ALOX5AP: variants seen among roughly 807,000 people sequenced by gnomAD.
The protein encoded by ALOX5AP is arachidonate 5-lipoxygenase activating protein.
ALOX5AP carries 9 observed loss-of-function variants against 18.5 expected under a neutral mutation model. The observed-to-expected ratio is 0.49, with a 90% CI of 0.29 to 0.85. The LOEUF is 0.85. Ranked by LOEUF, ALOX5AP falls within the 40% of genes least tolerant of loss-of-function variation. The pLI, the probability that ALOX5AP is intolerant of heterozygous loss-of-function variation, is 0.08. For missense variants in ALOX5AP, 172 were observed against 202.5 expected (o/e 0.85, Z 0.91); for synonymous variants, 81 against 78.6 (o/e 1.03, Z -0.16).
chr13:30,752,983 C>A (rs1951864299), intron 3 of ALOX5AP, among the ~76,000 whole-genome samples: 1 of 152,208 alleles, frequency 6.6e-6, no homozygotes, highest in South Asian at 2.1e-4. Flanking sequence ...CAAAGATCCT[C>A]TTACTTTATT....
At chr13:30,725,180 G>GT (rs1270454187) in intron 1 of ALOX5AP, among the ~76,000 whole-genome samples, 1 of 152,204 alleles carries the variant, frequency 6.6e-6, no homozygotes, top group African/African-American at 2.4e-5. Flanking sequence ...ACAGAGAGTG[G>GT]TTAATCGTTT....
At chr13:30,757,053 A>G (rs1951902270) in intron 4 of ALOX5AP, among the ~76,000 whole-genome samples, 2 of 152,144 alleles carry the variant, frequency 1.3e-5, no homozygotes, top group African/African-American at 4.8e-5. Flanking sequence ...CTAATGCACT[A>G]GTATGGTTTC....
chr13:30,762,873 C>A (rs1024080483), intron 4 of ALOX5AP, among the ~76,000 whole-genome samples: 8 of 152,114 alleles, frequency 5.3e-5, no homozygotes, highest in Non-Finnish European at 1.2e-4. Context: ...CTCAGATGGG[C>A]CAGCCATGGA....
intron 1 of ALOX5AP, among the ~76,000 whole-genome samples, chr13:30,730,409 C>G (rs1049057008): frequency 4.6e-5 from 7 of 152,190 alleles, no homozygotes; most frequent in African/African-American, 1.7e-4. Context: ...GGTCTCTGTT[C>G]GTATCACTTA....
Position 30,764,201 on chromosome 13 carries a change from G to T in ALOX5AP, c.*95G>T. ...GAGAGCATTCTGCTCTTCTTTAGAT[G>T]GCTGTAAATCTATTGGCCATCTGGG... On this transcript the variant is annotated 3_prime_UTR_variant, in exon 5 of 5. Coordinates refer to ENST00000380490, the MANE Select transcript of ALOX5AP (RefSeq NM_001629.4). The T allele has an allele frequency of 7.3e-7, 1 of 1,374,978 alleles. No individual in the cohort carries two copies. Among genetic ancestry groups the T allele is most frequent in the Non-Finnish European group, 9.8e-7 (1 of 1,016,402 alleles). The allele number at this position is 1,374,978 out of a possible 1,614,324, so 85.2% of individuals were successfully genotyped here. A position where few individuals can be genotyped will look rare whatever the true frequency, so the allele number is the denominator to read the frequency against.
chr13:30,738,667 G>A (rs1391489982), intron 1 of ALOX5AP, among the ~76,000 whole-genome samples: 1 of 152,216 alleles, frequency 6.6e-6, no homozygotes, highest in Non-Finnish European at 1.5e-5. Flanking sequence ...TGGAGAAAGT[G>A]ATTGGGAAGA....
At chr13:30,727,116 C>T (rs1044851925) in intron 1 of ALOX5AP, among the ~76,000 whole-genome samples, 3 of 151,012 alleles carry the variant, frequency 2.0e-5, no homozygotes, top group Non-Finnish European at 4.4e-5. Context: ...TGCAGTGGTG[C>T]GATCTTGGCT....
chr13:30,717,935 A>C (rs182447977), intron 1 of ALOX5AP, among the ~76,000 whole-genome samples: 1 of 150,142 alleles, frequency 6.7e-6, no homozygotes, highest in East Asian at 2.0e-4. Context: ...GGGTAGGGGG[A>C]GTAGGTGAGA....
chr13:30,758,428 G>A (rs190865776), intron 4 of ALOX5AP, among the ~76,000 whole-genome samples: 2 of 152,256 alleles, frequency 1.3e-5, no homozygotes, highest in East Asian at 1.9e-4. Context: ...TCCTTCCCCC[G>A]GAATTTCTCT....
chr13:30,720,189 G>A (rs1471076524), intron 1 of ALOX5AP, among the ~76,000 whole-genome samples: 4 of 152,188 alleles, frequency 2.6e-5, no homozygotes, highest in African/African-American at 7.2e-5. Context: ...ATGTGCTTTT[G>A]CATTTGGAAA....
intron 2 of ALOX5AP, among the ~76,000 whole-genome samples, chr13:30,748,110 G>A (rs754329963): frequency 1.3e-5 from 2 of 151,912 alleles, no homozygotes; most frequent in Non-Finnish European, 2.9e-5. Context: ...GTAGAGACAG[G>A]GTTTCACTAT....
chr13:30,732,369 A>G (rs1278971838), upstream of ALOX5AP, among the ~76,000 whole-genome samples: 6 of 152,180 alleles, frequency 3.9e-5, no homozygotes, highest in Non-Finnish European at 8.8e-5. Flanking sequence ...ATGTGCCGGC[A>G]GATTGGGATG....
chr13:30,761,077 T>C (rs9551965), intron 4 of ALOX5AP, among the ~76,000 whole-genome samples: 36,041 of 152,120 alleles, frequency 0.24, 5,379 homozygotes, highest in Admixed American at 0.32. Context: ...CCATGCTCAC[T>C]TGCCACAGCT....
At chr13:30,719,448 G>A (rs1423596034) in intron 1 of ALOX5AP, among the ~76,000 whole-genome samples, 2 of 152,112 alleles carry the variant, frequency 1.3e-5, no homozygotes, top group Non-Finnish European at 2.9e-5. Context: ...TATGTGTAAG[G>A]CTGCTTGCAT....
At chr13:30,716,942 A>G (rs1031495922) in intron 1 of ALOX5AP, among the ~76,000 whole-genome samples, 7 of 152,126 alleles carry the variant, frequency 4.6e-5, no homozygotes, top group African/African-American at 1.7e-4. Flanking sequence ...GGACAGCGCC[A>G]CTCTCCTGGC....
intron 1 of ALOX5AP, among the ~76,000 whole-genome samples, chr13:30,743,757 C>T (rs527258515): frequency 6.6e-6 from 1 of 152,190 alleles, no homozygotes; most frequent in South Asian, 2.1e-4. Context: ...TCAATCTCAT[C>T]TTGGCATGAC....
At chr13:30,750,080 A>G (rs1014827935) in intron 2 of ALOX5AP, among the ~76,000 whole-genome samples, 17 of 152,194 alleles carry the variant, frequency 1.1e-4, no homozygotes, top group Non-Finnish European at 2.1e-4. Flanking sequence ...TCTGGGCCCC[A>G]ACACAGAGTT....
upstream of ALOX5AP, among the ~76,000 whole-genome samples, chr13:30,733,283 T>C (rs1320846588): frequency 6.6e-6 from 1 of 152,196 alleles, no homozygotes; most frequent in Non-Finnish European, 1.5e-5. Context: ...ACTCTTTGAG[T>C]GAATAAATTC....
At chr13:30,737,235 T>A (rs1951728964) in intron 1 of ALOX5AP, among the ~76,000 whole-genome samples, 1 of 152,214 alleles carries the variant, frequency 6.6e-6, no homozygotes, top group East Asian at 1.9e-4. Context: ...TCTCTCCAGC[T>A]CCCTCTCAAT....
Sources: gnomAD v4.1 joint callset for allele counts (sites outside exome capture counted in the v4.1 genomes callset) on GRCh38, gnomAD v4.1.1 for gene constraint, MANE v1.5 for transcripts, NCBI Gene and HGNC (gene_info 2026-07-23, HGNC 2026-07-21) for gene names.